SMCR8: variants seen among roughly 807,000 people sequenced by gnomAD.
SMCR8 encodes the protein SMCR8-C9orf72 complex subunit, also known as guanine nucleotide exchange protein SMCR8.
SMCR8 carries 30 observed loss-of-function variants against 56.6 expected under a neutral mutation model. That is an observed-to-expected ratio of 0.53 (90% CI 0.40 to 0.72). The LOEUF (loss-of-function observed/expected upper bound fraction) is 0.72. Among genes scored for constraint, SMCR8 ranks in the 30% least tolerant of loss-of-function variants. The probability of loss-of-function intolerance (pLI) is 0.00; values close to 1 mark genes in which losing one functional copy is unlikely to be tolerated. For synonymous variants in SMCR8, 538 were observed against 456.0 expected, an observed-to-expected ratio of 1.18 and a Z score of -2.29; for missense variants, 1,198 against 1,157.0, an observed-to-expected ratio of 1.04 and a Z score of -0.51.
intron 1 of SMCR8, among the ~76,000 whole-genome samples, chr17:18,318,987 G>C (rs1419560698): frequency 6.6e-6 from 1 of 152,232 alleles, no homozygotes; most frequent in Non-Finnish European, 1.5e-5. Context: ...GGTGCAGCGG[G>C]CAGGTGTGGG....
Position 18,322,998 on chromosome 17 carries a change from G to A in SMCR8, c.2742G>A (p.Met914Ile). 6.2e-7 allele frequency: 1 copy of A among 1,614,192 alleles called. No homozygotes were observed. Among genetic ancestry groups the A allele is most frequent in the Non-Finnish European group, 8.5e-7 (1 of 1,180,032 alleles). The change falls in exon 2 of 2, where the codon ATG (methionine) becomes ATA (isoleucine). Residue 914 changes from methionine (M) to isoleucine (I), a missense_variant. Met to Ile is a conservative substitution (Grantham distance 10, BLOSUM62 1). Coordinates refer to ENST00000406438, the MANE Select transcript of SMCR8 (RefSeq NM_144775.3). ...YLAELLKLHY[M>I]QESPGTSHPM... ...CTGAGCTGCTGAAGCTGCACTACAT[G>A]CAGGAATCTCCAGGGACCAGCCACC...
Position 18,325,947 on chromosome 17 carries a change from C to CACTT in SMCR8, c.*2881_*2884dup, listed in dbSNP as rs1210611048. On this transcript the variant is annotated 3_prime_UTR_variant, in exon 2 of 2. Transcript: ENST00000406438. ...GTCTGGTGGTGCGTGCCTGTAATCCCACTTACTCGGGAGGCTGAGGCAGGA... is the reference window on the plus strand; with the variant it reads ...GTCTGGTGGTGCGTGCCTGTAATCCCACTTACTTACTCGGGAGGCTGAGGCAGGA... 1.3e-5 allele frequency: 2 copies of CACTT among 152,040 alleles called. No homozygotes were observed. The highest frequency in any genetic ancestry group is 2.9e-5 in the Non-Finnish European group (2 of 68,062). The allele number at this position is 152,040 out of a possible 1,614,324, so 9.4% of individuals were successfully genotyped here.
Position 18,323,455 on chromosome 17 carries a change from A to T in SMCR8, c.*385A>T. ...CACTGGCTGTATTCAGCATTGCCGG[A>T]CACTTGAGTGGCAAAATGAACGAGG... On this transcript the variant is annotated 3_prime_UTR_variant, in exon 2 of 2. Coordinates refer to ENST00000406438, the MANE Select transcript of SMCR8 (RefSeq NM_144775.3). 4.7e-6 allele frequency: 1 copy of T among 211,598 alleles called. No individual in the cohort carries two copies. The highest frequency in any genetic ancestry group is 1.1e-4 in the East Asian group (1 of 9,490). 13.1% of individuals were successfully genotyped at this position (211,598 alleles called of 1,614,324 possible).
rs775415893 is a variant in SMCR8, at chr17:18,316,002, C to T, written c.213C>T (p.Pro71=). 3.1e-6 allele frequency: 5 copies of T among 1,614,198 alleles called. No individual in the cohort carries two copies. The highest frequency in any genetic ancestry group is 4.2e-6 in the Non-Finnish European group (5 of 1,180,038). ...SEFSEQVGPQ[P]LLTIPNDTKV... ...TCTCTGAGCAGGTGGGACCCCAACC[C>T]TTACTGACCATCCCCAATGACACCA... Residue 71 remains proline, a synonymous_variant, in exon 1 of 2, where the codon CCC becomes CCT. Transcript: ENST00000406438.
rs766147272 is a variant in SMCR8, at chr17:18,315,755, C to G, written c.-35C>G. On this transcript the variant is annotated 5_prime_UTR_variant, in exon 1 of 2. Transcript: ENST00000406438. ...TCGATTAACACCGCATTCTTTCCCA[C>G]TTCCTCTCAATGTTTTCTTCATATA... 6.5e-7 allele frequency: 1 copy of G among 1,538,122 alleles called. No individual in the cohort carries two copies. Among genetic ancestry groups the G allele is most frequent in the African/African-American group, 1.4e-5 (1 of 72,428 alleles).
chr17:18,315,668 G>A lies in SMCR8; in HGVS notation c.-122G>A. On this transcript the variant is annotated 5_prime_UTR_variant, in exon 1 of 2. Coordinates refer to ENST00000406438, the MANE Select transcript of SMCR8 (RefSeq NM_144775.3). ...GAAGCAGCCTAGGACCCCGGGTTCG[G>A]GGAGTCGCAAAGAAGGCCGTAAGGG... 1.1e-6 allele frequency: 1 copy of A among 930,920 alleles called. No homozygotes were observed. The highest frequency in any genetic ancestry group is 1.6e-6 in the Non-Finnish European group (1 of 616,946). The allele number at this position is 930,920 out of a possible 1,614,324, so 57.7% of individuals were successfully genotyped here. A position where few individuals can be genotyped will look rare whatever the true frequency, so the allele number is the denominator to read the frequency against.
chr17:18,323,209 T>A lies in SMCR8; in HGVS notation c.*139T>A. On this transcript the variant is annotated 3_prime_UTR_variant, in exon 2 of 2. Coordinates refer to ENST00000406438, the MANE Select transcript of SMCR8 (RefSeq NM_144775.3). ...AGCATGGTTCCCACGTGGCTCCTAGTAGTTTTTAAGTTGGACATGGGCAGA... is the reference window on the plus strand; with the variant it reads ...AGCATGGTTCCCACGTGGCTCCTAGAAGTTTTTAAGTTGGACATGGGCAGA... The A allele has an allele frequency of 1.3e-6, 1 of 753,562 alleles. No homozygotes were observed. The highest frequency in any genetic ancestry group is 2.1e-6 in the Non-Finnish European group (1 of 470,894). 46.7% of individuals were successfully genotyped at this position (753,562 alleles called of 1,614,324 possible).
At position 18,317,649 on chromosome 17, in the gene SMCR8, G is replaced by A; in HGVS notation, c.1860G>A (p.Arg620=). The part of the protein sequence containing the change: ...GVVSSPPQRH[R]QKDQGFRVDF... ...TGAGCAGCCCCCCACAGCGCCACAG[G>A]CAGAAGGACCAGGGGTTCCGTGTAG... Residue 620 remains arginine (R), a synonymous_variant, in exon 1 of 2, where the codon AGG becomes AGA. Transcript: ENST00000406438. The A allele has an allele frequency of 1.2e-6, 2 of 1,614,196 alleles. No individual in the cohort carries two copies. Among genetic ancestry groups the A allele is most frequent in the Non-Finnish European group, 1.7e-6 (2 of 1,180,052 alleles).
Position 18,317,988 on chromosome 17 carries a change from T to C in SMCR8, c.2199T>C (p.Leu733=). 1 of 1,614,226 alleles carries C rather than the reference T, an allele frequency of 6.2e-7. No individual in the cohort carries two copies. Among genetic ancestry groups the C allele is most frequent in the Non-Finnish European group, 8.5e-7 (1 of 1,180,038 alleles). The change falls in exon 1 of 2, where the codon CTT becomes CTC. Residue 733 remains leucine (L), a synonymous_variant. Transcript: ENST00000406438. The stretch of plus-strand genomic sequence containing the variant: ...ACTCCCTGCTCAGTGGGAGGACACT[T>C]GTGGTCCTGGGGGAAGATGAGGCCA... ...AIYSLLSGRT[L]VVLGEDEAIV...
intron 1 of SMCR8, among the ~76,000 whole-genome samples, chr17:18,319,068 AT>A (rs1449018353): frequency 6.6e-6 from 1 of 152,174 alleles, no homozygotes; most frequent in Non-Finnish European, 1.5e-5. Context: ...CACCCAAAGA[AT>A]TCCTGGGGGA....
rs1246523255 is a variant in SMCR8, at chr17:18,325,416, AG to A, written c.*2350del. On this transcript the variant is annotated 3_prime_UTR_variant, in exon 2 of 2. Transcript: ENST00000406438. ...GGGCATGAACAGAACAGACCGTCTC[AG>A]GGGCAGCCATGTAAGTGGCAAGCAG... 2.0e-5 allele frequency: 3 copies of A among 152,274 alleles called. No homozygotes were observed. The highest frequency in any genetic ancestry group is 4.1e-4 in the South Asian group (2 of 4,834). 9.4% of individuals were successfully genotyped at this position (152,274 alleles called of 1,614,324 possible).
chr17:18,318,413 A>T (rs527803509), intron 1 of SMCR8, among the ~76,000 whole-genome samples: 1 of 151,786 alleles, frequency 6.6e-6, no homozygotes, highest in African/African-American at 2.4e-5. Flanking sequence ...TTTTATTTTT[A>T]TTTTTTTGCA....
chr17:18,322,453 G>A (rs1982526494), intron 1 of SMCR8, among the ~76,000 whole-genome samples, 164 bp from the exon 2 acceptor site: 1 of 152,212 alleles, frequency 6.6e-6, no homozygotes, highest in South Asian at 2.1e-4. Context: ...GAGTGGTGAG[G>A]AGCCCTTTGA....
chr17:18,318,947 A>G (rs1293889293), intron 1 of SMCR8, among the ~76,000 whole-genome samples: 1 of 152,200 alleles, frequency 6.6e-6, no homozygotes, highest in Non-Finnish European at 1.5e-5. Flanking sequence ...TGCTGGGAGC[A>G]TCTGCCTCCA....
chr17:18,322,254 G>A (rs11870126), intron 1 of SMCR8, among the ~76,000 whole-genome samples: 39,929 of 152,058 alleles, frequency 0.26, 5,617 homozygotes, highest in Non-Finnish European at 0.31. Flanking sequence ...CTCACGATGC[G>A]CCTGCCTCGG....
Position 18,316,427 on chromosome 17 carries a change from CG to C in SMCR8, c.640del (p.Glu214ArgfsTer37), listed in dbSNP as rs1982285636. ...DYTRTVLHTETEIQKKANDKG... is the reference protein window; with the variant it reads ...DYTRTVLHTEXEIQKKANDKG... ...ACCAGGACAGTGCTACACACAGAAA[CG>C]GAGATCCAGAAGAAAGCCAACGACA... On this transcript the variant is annotated frameshift_variant, in exon 1 of 2. Coordinates refer to ENST00000406438, the MANE Select transcript of SMCR8 (RefSeq NM_144775.3). LOFTEE classifies it high-confidence loss of function. 1.2e-6 allele frequency: 2 copies of C among 1,614,064 alleles called. No homozygotes were observed. The highest frequency in any genetic ancestry group is 1.7e-6 in the Non-Finnish European group (2 of 1,180,030).
intron 1 of SMCR8, among the ~76,000 whole-genome samples, chr17:18,319,912 G>T (rs190310526): frequency 2.0e-5 from 3 of 152,288 alleles, no homozygotes. Flanking sequence ...GTAGAGACAG[G>T]GTTTCACCAT....
intron 1 of SMCR8, 111 bp from the exon 2 acceptor site, chr17:18,322,506 A>T: frequency 1.1e-6 from 1 of 910,016 alleles, no homozygotes; most frequent in Non-Finnish European, 1.7e-6. Context: ...GAGCCAGTGC[A>T]TGCTGGCTAG....
intron 1 of SMCR8, among the ~76,000 whole-genome samples, chr17:18,320,307 C>T (rs1283851697): frequency 2.0e-5 from 3 of 152,180 alleles, no homozygotes; most frequent in African/African-American, 7.2e-5. Context: ...TGAGGCTTGT[C>T]CCTTCCCGTG....
Sources: gnomAD v4.1 joint callset for allele counts (sites outside exome capture counted in the v4.1 genomes callset) on GRCh38, gnomAD v4.1.1 for gene constraint, MANE v1.5 for transcripts, NCBI Gene and HGNC (gene_info 2026-07-23, HGNC 2026-07-21) for gene names.